The following TFEC variants were observed in gnomAD, a reference collection of about 807,000 sequenced individuals.
The protein encoded by TFEC is class E basic helix-loop-helix protein 34.
A neutral mutation model predicts 41.6 loss-of-function variants in TFEC; 31 were observed. That is an observed-to-expected ratio of 0.74 (90% CI 0.56 to 1.01). TFEC has a LOEUF of 1.01. Among genes scored for constraint, TFEC ranks in the 50% least tolerant of loss-of-function variants. The pLI is 0.00. For synonymous variants in TFEC, 143 were observed against 140.6 expected, an observed-to-expected ratio of 1.02 and a Z score of -0.12; for missense variants, 402 against 404.1, an observed-to-expected ratio of 0.99 and a Z score of 0.04.
At chr7:116,010,349 T>C (rs1036794736) in intron 1 of TFEC, among the ~76,000 whole-genome samples, 1 of 152,202 alleles carries the variant, frequency 6.6e-6, no homozygotes, top group Non-Finnish European at 1.5e-5. Context: ...AAAGTTGTGA[T>C]GTGGAGACAA....
intron 3 of TFEC, 28 bp downstream of exon 3, chr7:115,974,142 T>C (rs765303665): frequency 1.9e-6 from 3 of 1,556,464 alleles, no homozygotes; most frequent in East Asian, 2.3e-5. Context: ...TCTGTTTCAA[T>C]GACCTTCTTG....
At chr7:116,058,558 T>C (rs548927278) in intron 3 of TFEC, among the ~76,000 whole-genome samples, 3 of 151,874 alleles carry the variant, frequency 2.0e-5, no homozygotes, top group South Asian at 4.1e-4. Context: ...ATTGCTTTTA[T>C]AGAGCACTTC....
chr7:116,024,102 C>T (rs1156858248), intron 1 of TFEC, among the ~76,000 whole-genome samples: 15 of 152,102 alleles, frequency 9.9e-5, no homozygotes, highest in African/African-American at 3.6e-4. Context: ...CTTCACTTTG[C>T]CCCTTTCTTT....
In TFEC at chr7:116,093,834, C is replaced by T. The variant is rs1345521055; in HGVS notation, c.198+16874G>A. Among the ~76,000 whole-genome samples, 9 of 152,130 alleles carry T rather than the reference C, an allele frequency of 5.9e-5. No individual in the cohort carries two copies. The South Asian group carries it at 1.9e-3, about 32-fold the overall frequency. On this transcript the variant is annotated intron_variant, in intron 3 of 8. Transcript: ENST00000484212. ...GCTCTAAAAGTTAGTATAGACATAA[C>T]CTGACCCACCAAAAAATCAGTAACA...
chr7:116,034,046 T>C (rs552648516), upstream of TFEC, among the ~76,000 whole-genome samples: 1 of 152,280 alleles, frequency 6.6e-6, no homozygotes, highest in Non-Finnish European at 1.5e-5. Flanking sequence ...TTACTTTCCC[T>C]ATCAGCAGTG....
In TFEC at chr7:115,954,662, T is replaced by TA; in HGVS notation, c.383-21dup. The stretch of plus-strand genomic sequence containing the variant: ...CAGTTTCTGATCAAAAGAAAAATAA[T>TA]AAAAACCATGCTTAGTTCTACCTTA... On this transcript the variant is annotated intron_variant, in intron 4 of 7. Transcript: ENST00000265440. 1.2e-6 allele frequency: 2 copies of TA among 1,604,102 alleles called. No individual in the cohort carries two copies. The highest frequency in any genetic ancestry group is 2.2e-5 in the East Asian group (1 of 44,676).
chr7:116,070,359 C>G (rs144368845), intron 3 of TFEC, among the ~76,000 whole-genome samples: 216 of 151,322 alleles, frequency 1.4e-3, no homozygotes, highest in African/African-American at 5.0e-3. Flanking sequence ...TTTGCTTATA[C>G]CAAAAAATGT....
chr7:115,981,081 G>C (rs1021396895), intron 2 of TFEC, among the ~76,000 whole-genome samples: 1 of 151,906 alleles, frequency 6.6e-6, no homozygotes, highest in Non-Finnish European at 1.5e-5. Context: ...CACTACCTTG[G>C]AATCATGTTC....
intron 3 of TFEC, among the ~76,000 whole-genome samples, chr7:116,103,661 G>A (rs561820452): frequency 2.0e-5 from 3 of 152,060 alleles, no homozygotes; most frequent in South Asian, 2.1e-4. Context: ...CAGTTAACAC[G>A]TAGAGACACG....
Position 116,041,294 on chromosome 7 carries a change from G to GA in TFEC, c.199-56782dup, listed in dbSNP as rs200802191. 5.2e-4 allele frequency among the ~76,000 whole-genome samples: 78 copies of GA among 149,202 alleles called. 1 individual carries two copies. In the East Asian group the frequency reaches 0.013, roughly 24 times the overall value. On this transcript the variant is annotated intron_variant, in intron 3 of 8. Coordinates refer to the TFEC transcript ENST00000484212. Reference sequence around the variant, plus strand: ...AAAGAAAGGAAGCATTAAAAAAAAAGAAAAAAAAAGTCTTCCAACAAAACT... The same window carrying GA: ...AAAGAAAGGAAGCATTAAAAAAAAAGAAAAAAAAAAGTCTTCCAACAAAACT...
chr7:116,028,722 G>T (rs909111159), intron 1 of TFEC, among the ~76,000 whole-genome samples: 2 of 152,060 alleles, frequency 1.3e-5, no homozygotes, highest in Admixed American at 1.3e-4. Flanking sequence ...AGCTTTATTT[G>T]TAAAACGATT....
intron 1 of TFEC, among the ~76,000 whole-genome samples, chr7:115,996,700 A>T (rs114400586): frequency 9.6e-4 from 146 of 152,162 alleles, no homozygotes; most frequent in African/African-American, 3.4e-3. Flanking sequence ...AGGGAAGCCC[A>T]CTGCACTAAA....
At chr7:115,994,597 A>AAAAAATG (rs1414461238) in intron 1 of TFEC, among the ~76,000 whole-genome samples, 2 of 147,968 alleles carry the variant, frequency 1.4e-5, no homozygotes, top group Admixed American at 6.7e-5. Context: ...CCAACAGCAG[A>AAAAAATG]CTCATCATCA....
chr7:116,148,382 A>G (rs1388450358), intron 1 of TFEC, among the ~76,000 whole-genome samples: 1 of 152,130 alleles, frequency 6.6e-6, no homozygotes, highest in Non-Finnish European at 1.5e-5. Context: ...TAATTAGGAG[A>G]CATTGAAGTA....
intron 1 of TFEC, among the ~76,000 whole-genome samples, chr7:116,134,879 A>G (rs1798404878): frequency 6.6e-6 from 1 of 152,154 alleles, no homozygotes; most frequent in South Asian, 2.1e-4. Flanking sequence ...CTTATTTATA[A>G]AGCATCAGGA....
At chr7:116,129,642 G>C (rs1385479339) in intron 1 of TFEC, among the ~76,000 whole-genome samples, 1 of 141,698 alleles carries the variant, frequency 7.1e-6, no homozygotes, top group Non-Finnish European at 1.5e-5. Flanking sequence ...GCTCAGGTTG[G>C]AGTGCAGTGG....
intron 3 of TFEC, among the ~76,000 whole-genome samples, chr7:116,079,413 T>C (rs1285616373): frequency 6.6e-6 from 1 of 152,088 alleles, no homozygotes; most frequent in African/African-American, 2.4e-5. Flanking sequence ...GATGGTAAGA[T>C]CGTATACCTA....
At chr7:116,012,212 C>G (rs574925572) in intron 1 of TFEC, among the ~76,000 whole-genome samples, 13 of 152,170 alleles carry the variant, frequency 8.5e-5, no homozygotes, top group African/African-American at 3.1e-4. Flanking sequence ...AATTTCTATT[C>G]AAAAAAGTTC....
chr7:116,024,728 T>C (rs927241044), intron 1 of TFEC, among the ~76,000 whole-genome samples: 1 of 152,202 alleles, frequency 6.6e-6, no homozygotes, highest in Admixed American at 6.6e-5. Context: ...CTCACTTTTA[T>C]CCCCCTGTTA....
Sources: allele counts gnomAD v4.1 joint callset (sites outside exome capture counted in the v4.1 genomes callset), GRCh38; gene constraint gnomAD v4.1.1; transcripts MANE v1.5; gene names NCBI Gene and HGNC (gene_info 2026-07-23, HGNC 2026-07-21).